The following NXPH1 variants were observed in gnomAD, a reference collection of about 807,000 sequenced individuals.
The protein encoded by NXPH1 is neurexophilin 1, also known as neurexophilin-1.
NXPH1 carries 5 observed loss-of-function variants against 23.7 expected under a neutral mutation model. The ratio of observed to expected loss-of-function variants is 0.21; its 90% CI spans 0.11 to 0.44. NXPH1 has a LOEUF of 0.44. Among genes scored for constraint, NXPH1 ranks in the 20% least tolerant of loss-of-function variants. The probability of loss-of-function intolerance (pLI) is 0.99; values close to 1 mark genes in which losing one functional copy is unlikely to be tolerated. For missense variants in NXPH1, 324 were observed against 321.6 expected (o/e 1.01, Z -0.06); for synonymous variants, 144 against 122.2 (o/e 1.18, Z -1.18).
intron 2 of NXPH1, among the ~76,000 whole-genome samples, chr7:8,684,400 C>T (rs1821113611): frequency 6.6e-6 from 1 of 152,126 alleles, no homozygotes; most frequent in Admixed American, 6.6e-5. Context: ...ACTGTTCCTA[C>T]TTTGTTGACT....
At chr7:8,497,941 C>T (rs1443597042) in intron 2 of NXPH1, among the ~76,000 whole-genome samples, 2 of 152,074 alleles carry the variant, frequency 1.3e-5, no homozygotes, top group Non-Finnish European at 2.9e-5. Flanking sequence ...CTTGCCCATA[C>T]CTATGTCCTG....
chr7:8,440,111 C>T (rs928984432), intron 2 of NXPH1, among the ~76,000 whole-genome samples: 1 of 152,178 alleles, frequency 6.6e-6, no homozygotes, highest in Admixed American at 6.5e-5. Context: ...GGGATTCAGA[C>T]TAGATTTTTG....
intron 2 of NXPH1, among the ~76,000 whole-genome samples, chr7:8,633,004 G>C (rs1820158390): frequency 6.6e-6 from 1 of 152,194 alleles, no homozygotes; most frequent in Non-Finnish European, 1.5e-5. Flanking sequence ...TAATTCATGT[G>C]TTGAGAATGT....
chr7:8,665,366 T>C (rs1166617610), intron 2 of NXPH1, among the ~76,000 whole-genome samples: 1 of 152,062 alleles, frequency 6.6e-6, no homozygotes, highest in Non-Finnish European at 1.5e-5. Context: ...TTCTATTCTA[T>C]TCCATTAGTC....
chr7:8,696,688 T>C (rs1342989722), intron 2 of NXPH1, among the ~76,000 whole-genome samples: 1 of 151,810 alleles, frequency 6.6e-6, no homozygotes, highest in African/African-American at 2.4e-5. Flanking sequence ...AGGCAAGTTG[T>C]ATAGAGAGAG....
At chr7:8,568,039 A>G (rs1818577652) in intron 2 of NXPH1, among the ~76,000 whole-genome samples, 2 of 151,870 alleles carry the variant, frequency 1.3e-5, no homozygotes, top group African/African-American at 4.8e-5. Context: ...GTCTTTTTTC[A>G]ACGTCCCATG....
At chr7:8,523,847 G>A (rs935807945) in intron 2 of NXPH1, among the ~76,000 whole-genome samples, 6 of 152,052 alleles carry the variant, frequency 3.9e-5, no homozygotes, top group African/African-American at 1.4e-4. Flanking sequence ...CATGATTGCT[G>A]TCCTTCCCCA....
intron 2 of NXPH1, among the ~76,000 whole-genome samples, chr7:8,506,924 C>A (rs1442184804): frequency 6.6e-6 from 1 of 152,008 alleles, no homozygotes; most frequent in South Asian, 2.1e-4. Flanking sequence ...TGGTTCCAAT[C>A]CCTGAAGGGC....
intron 2 of NXPH1, among the ~76,000 whole-genome samples, chr7:8,709,358 T>G (rs999429267): frequency 6.6e-6 from 1 of 152,196 alleles, no homozygotes; most frequent in African/African-American, 2.4e-5. Flanking sequence ...ATTAGGTGCT[T>G]TGAATTCTTG....
chr7:8,750,498 C>T (rs1382225390), intron 2 of NXPH1, among the ~76,000 whole-genome samples: 3 of 151,990 alleles, frequency 2.0e-5, no homozygotes, highest in Admixed American at 6.6e-5. Context: ...CTCTCTGTGT[C>T]CAGAGAATCA....
At position 8,613,865 on chromosome 7, in the gene NXPH1, C is replaced by A. The variant is rs1819673120; in HGVS notation, c.55-137143C>A. On this transcript the variant is annotated intron_variant, in intron 2 of 2. Transcript: ENST00000405863. ...ATTAAAAATCTATGAAAATCATACA[C>A]ACACATATACATATAAATCACATAT... Among the ~76,000 whole-genome samples the A allele has an allele frequency of 4.0e-5, 6 of 151,848 alleles. No individual in the cohort carries two copies. In the South Asian group the frequency reaches 1.2e-3, roughly 32 times the overall value.
chr7:8,549,789 G>A (rs769348633), intron 2 of NXPH1, among the ~76,000 whole-genome samples: 1 of 151,484 alleles, frequency 6.6e-6, no homozygotes, highest in African/African-American at 2.4e-5. Context: ...AATGTACACA[G>A]AGATTACACA....
chr7:8,620,269 A>G (rs887290632), intron 2 of NXPH1, among the ~76,000 whole-genome samples: 2 of 152,184 alleles, frequency 1.3e-5, no homozygotes, highest in Non-Finnish European at 2.9e-5. Context: ...GAATGTTTTC[A>G]CAGTCTGCAT....
chr7:8,477,760 C>A (rs1474585712), intron 2 of NXPH1, among the ~76,000 whole-genome samples: 3 of 152,198 alleles, frequency 2.0e-5, no homozygotes, highest in East Asian at 3.9e-4. Flanking sequence ...AGGAAACATG[C>A]TTTCTGAGCT....
chr7:8,572,526 A>G (rs142681512), intron 2 of NXPH1, among the ~76,000 whole-genome samples: 65 of 152,080 alleles, frequency 4.3e-4, no homozygotes, highest in African/African-American at 1.5e-3. Context: ...AAGACAGTCT[A>G]TTATTAAGGT....
chr7:8,600,531 C>T (rs1819335121), intron 2 of NXPH1, among the ~76,000 whole-genome samples: 1 of 152,172 alleles, frequency 6.6e-6, no homozygotes, highest in South Asian at 2.1e-4. Context: ...GTTTGCAGAT[C>T]CTGCTGTGTG....
chr7:8,652,121 T>C (rs377744701), intron 2 of NXPH1, among the ~76,000 whole-genome samples: 9 of 152,278 alleles, frequency 5.9e-5, no homozygotes, highest in East Asian at 5.8e-4. Flanking sequence ...CTAGCTTCAA[T>C]CTCAACCTTT....
At chr7:8,690,079 G>A (rs1821201676) in intron 2 of NXPH1, among the ~76,000 whole-genome samples, 1 of 152,086 alleles carries the variant, frequency 6.6e-6, no homozygotes, top group South Asian at 2.1e-4. Context: ...TGAGTATTTT[G>A]AGAAAGAAGA....
At chr7:8,562,298 A>C (rs1159382725) in intron 2 of NXPH1, among the ~76,000 whole-genome samples, 1 of 151,734 alleles carries the variant, frequency 6.6e-6, no homozygotes, top group African/African-American at 2.4e-5. Context: ...GATCCTCAAA[A>C]AATCTGTAGG....
Sources: allele counts gnomAD v4.1 joint callset (sites outside exome capture counted in the v4.1 genomes callset), GRCh38; gene constraint gnomAD v4.1.1; transcripts MANE v1.5; gene names NCBI Gene and HGNC (gene_info 2026-07-23, HGNC 2026-07-21).